ELMOD1: variants seen among roughly 807,000 people sequenced by gnomAD.
ELMOD1 encodes the protein ELMO domain containing 1.
Under a neutral mutation model 46.7 loss-of-function variants are expected in ELMOD1, and 21 were observed. The observed-to-expected ratio is 0.45, with a 90% CI of 0.32 to 0.65. ELMOD1 has a LOEUF of 0.65. Ranked by LOEUF, ELMOD1 falls within the 30% of genes least tolerant of loss-of-function variation. ELMOD1 has a pLI of 0.04. For synonymous variants in ELMOD1, 122 were observed against 138.2 expected, an observed-to-expected ratio of 0.88 and a Z score of 0.82; for missense variants, 348 against 407.8, an observed-to-expected ratio of 0.85 and a Z score of 1.26.
At chr11:107,609,790 A>T (rs1458091785) in intron 1 of ELMOD1, among the ~76,000 whole-genome samples, 1 of 152,226 alleles carries the variant, frequency 6.6e-6, no homozygotes, top group Non-Finnish European at 1.5e-5. Context: ...TATGACAAGC[A>T]CAATCATTTG....
intron 11 of ELMOD1, among the ~76,000 whole-genome samples, chr11:107,663,518 C>G (rs931945939): frequency 6.6e-6 from 1 of 151,314 alleles, no homozygotes; most frequent in Non-Finnish European, 1.5e-5. Flanking sequence ...AGAAATGGAA[C>G]AGTCAACCCA....
intron 2 of ELMOD1, among the ~76,000 whole-genome samples, chr11:107,621,942 G>A (rs567900432): frequency 5.9e-5 from 9 of 152,180 alleles, no homozygotes; most frequent in South Asian, 4.1e-4. Flanking sequence ...CAGGAGAATC[G>A]CTTGAACCCA....
rs1280168503 is a variant in ELMOD1, at chr11:107,656,074, T to C, written c.832+8T>C. The C allele has an allele frequency of 6.4e-7, 1 of 1,551,952 alleles. No individual in the cohort carries two copies. The highest frequency in any genetic ancestry group is 1.4e-5 in the African/African-American group (1 of 73,040). ...ACTTTCAGCAAACATTCTGTAAGTA[T>C]CCTGTTGTATAATTATCAATATAGG... On this transcript the variant is annotated splice_region_variant and intron_variant, in intron 11 of 11. Transcript: ENST00000265840.
At chr11:107,620,762 G>C (rs770479171) in intron 2 of ELMOD1, among the ~76,000 whole-genome samples, 9 of 152,248 alleles carry the variant, frequency 5.9e-5, no homozygotes, top group Admixed American at 3.9e-4. Flanking sequence ...TACTTAGGAA[G>C]CTGAGGCAGG....
chr11:107,591,973 C>G (rs778574642), intron 1 of ELMOD1: 1 of 524,604 alleles, frequency 1.9e-6, no homozygotes, highest in Non-Finnish European at 3.9e-6. Flanking sequence ...CTCCGCACTT[C>G]AATATTGGAG....
intron 6 of ELMOD1, chr11:107,643,806 AG>A (rs1189421445): frequency 3.0e-6 from 1 of 333,776 alleles, no homozygotes; most frequent in Non-Finnish European, 6.2e-6. Context: ...TTTCATCAAA[AG>A]AATCGTCAGG....
At chr11:107,653,787 T>G (rs1022046166) in intron 9 of ELMOD1, 2 of 153,118 alleles carry the variant, frequency 1.3e-5, no homozygotes, top group African/African-American at 4.8e-5. Context: ...TATAGTATGG[T>G]GAATAGGATA....
At position 107,654,612 on chromosome 11, in the gene ELMOD1, A is replaced by G. The variant is rs571139794; in HGVS notation, c.698+390A>G. ...GTGAAACCCCGTCTCTACTAAAAAT[A>G]CAAAAAATTAGCCGGGCGTGTTGGC... On this transcript the variant is annotated intron_variant, in intron 10 of 11. Coordinates refer to ENST00000265840, the MANE Select transcript of ELMOD1 (RefSeq NM_018712.4). Among the ~76,000 whole-genome samples the G allele has an allele frequency of 3.9e-5, 6 of 152,154 alleles. No homozygotes were observed. In the South Asian group the frequency reaches 1.2e-3, roughly 32 times the overall value.
intron 6 of ELMOD1, among the ~76,000 whole-genome samples, chr11:107,641,990 G>A (rs1357229248): frequency 7.0e-6 from 1 of 143,174 alleles, no homozygotes; most frequent in African/African-American, 2.6e-5. Flanking sequence ...TGTCACCCAG[G>A]CTGGAGTGCA....
intron 2 of ELMOD1, among the ~76,000 whole-genome samples, chr11:107,625,869 CTTA>C (rs1343031897): frequency 6.6e-6 from 1 of 152,160 alleles, no homozygotes; most frequent in Non-Finnish European, 1.5e-5. Context: ...TGTAGTAGCT[CTTA>C]TTATTGAATC....
At chr11:107,625,299 A>G in intron 2 of ELMOD1, 1 of 694,948 alleles carries the variant, frequency 1.4e-6, no homozygotes, top group Non-Finnish European at 1.8e-6. Flanking sequence ...ATTTAGATGA[A>G]AAGTATTTCA....
intron 6 of ELMOD1, among the ~76,000 whole-genome samples, chr11:107,640,817 C>T (rs1016585962): frequency 2.6e-5 from 4 of 152,142 alleles, no homozygotes; most frequent in African/African-American, 9.7e-5. Flanking sequence ...ATTCAATCTG[C>T]ATTTGAATCA....
chr11:107,621,172 T>A (rs1865941519), intron 2 of ELMOD1, among the ~76,000 whole-genome samples: 1 of 152,206 alleles, frequency 6.6e-6, no homozygotes, highest in Non-Finnish European at 1.5e-5. Flanking sequence ...AAGTCACCCA[T>A]GTAAATCATT....
Position 107,665,248 on chromosome 11 carries a change from G to A in ELMOD1, c.*51G>A. 2 of 1,577,734 alleles carry A rather than the reference G, an allele frequency of 1.3e-6. No individual in the cohort carries two copies. The highest frequency in any genetic ancestry group is 2.2e-5 in the East Asian group (1 of 44,542). On this transcript the variant is annotated 3_prime_UTR_variant, in exon 12 of 12. Coordinates refer to ENST00000265840, the MANE Select transcript of ELMOD1 (RefSeq NM_018712.4). The stretch of plus-strand genomic sequence containing the variant: ...CCCTGGAACACTGCCTCATTGTCTT[G>A]TTAGATCTCTGCTTAGGTCGCAGCT...
intron 1 of ELMOD1, among the ~76,000 whole-genome samples, chr11:107,612,804 T>C (rs1379277018): frequency 1.3e-5 from 2 of 152,236 alleles, no homozygotes; most frequent in African/African-American, 4.8e-5. Context: ...ATTTTTCATT[T>C]TCTATATAAA....
intron 1 of ELMOD1, among the ~76,000 whole-genome samples, chr11:107,610,081 C>T (rs1054912969): frequency 2.6e-5 from 4 of 152,074 alleles, no homozygotes; most frequent in Non-Finnish European, 5.9e-5. Context: ...GCATTGTACC[C>T]GTCCATGGGT....
intron 11 of ELMOD1, among the ~76,000 whole-genome samples, chr11:107,664,556 A>T (rs1435251114): frequency 6.6e-6 from 1 of 152,196 alleles, no homozygotes; most frequent in Non-Finnish European, 1.5e-5. Flanking sequence ...TTATTGTCTC[A>T]TAATAGAGTG....
chr11:107,628,138 T>G (rs1866074105), intron 2 of ELMOD1, among the ~76,000 whole-genome samples: 1 of 151,886 alleles, frequency 6.6e-6, no homozygotes, highest in African/African-American at 2.4e-5. Flanking sequence ...AAAAACATTT[T>G]CCAAGAGAGC....
rs150028087 is a variant in ELMOD1 at position 107,602,874 on chromosome 11, A to ACC, written c.-86+11465_-86+11466insCC. 8.8e-3 allele frequency among the ~76,000 whole-genome samples: 761 copies of ACC among 86,514 alleles called. 2 individuals are homozygous for ACC. Among genetic ancestry groups the ACC allele is most frequent in the Non-Finnish European group, 0.012 (603 of 49,900 alleles). 56.8% of individuals were successfully genotyped at this position (86,514 alleles called of 152,430 possible). On this transcript the variant is annotated intron_variant, in intron 1 of 11. Transcript: ENST00000265840. Reference sequence around the variant, plus strand: ...TGTGCACAGGTGGGGCTTGTTGACCATCTTTCACAGTAGTCCAGTTGGGGG... The same window carrying ACC: ...TGTGCACAGGTGGGGCTTGTTGACCACCTCTTTCACAGTAGTCCAGTTGGGGG...
Sources: allele counts gnomAD v4.1 joint callset (sites outside exome capture counted in the v4.1 genomes callset), GRCh38; gene constraint gnomAD v4.1.1; transcripts MANE v1.5; gene names NCBI Gene and HGNC (gene_info 2026-07-23, HGNC 2026-07-21).